The following TNS1 variants were observed in gnomAD, a reference collection of about 807,000 sequenced individuals.
TNS1 encodes tensin 1.
TNS1 carries 62 observed loss-of-function variants against 168.6 expected under a neutral mutation model. That is an observed-to-expected ratio of 0.37 (90% CI 0.30 to 0.45). TNS1 has a LOEUF of 0.45. Among genes scored for constraint, TNS1 ranks in the 20% least tolerant of loss-of-function variants. TNS1 has a pLI of 1.00. For missense variants in TNS1, 2,240 were observed against 2,339.4 expected (o/e 0.96, Z 0.88); for synonymous variants, 934 against 933.2 (o/e 1.00, Z -0.02).
chr2:217,815,145 C>T, intron 24 of TNS1, 147 bp from the exon 25 acceptor site: 1 of 661,934 alleles, frequency 1.5e-6, no homozygotes, highest in East Asian at 2.7e-5. Flanking sequence ...GATGAGGTCA[C>T]ACAGGATTAG....
At chr2:217,897,731 T>C (rs1391579933) in intron 8 of TNS1, 67 bp downstream of exon 8, 10 of 1,474,484 alleles carry the variant, frequency 6.8e-6, no homozygotes, top group Non-Finnish European at 8.2e-6. Context: ...ATACCAGTCA[T>C]GTAGAGGTGG....
chr2:217,996,746 C>T (rs1374495631), intron 1 of TNS1, among the ~76,000 whole-genome samples: 1 of 152,038 alleles, frequency 6.6e-6, no homozygotes, highest in African/African-American at 2.4e-5. Context: ...TCCTGGGCCC[C>T]GACACCAGGC....
At position 217,886,033 on chromosome 2, in the gene TNS1, G is replaced by T; in HGVS notation, c.1040+11C>A. The T allele has an allele frequency of 6.2e-7, 1 of 1,614,056 alleles. No homozygotes were observed. Among genetic ancestry groups the T allele is most frequent in the Non-Finnish European group, 8.5e-7 (1 of 1,179,962 alleles). On this transcript the variant is annotated intron_variant, in intron 14 of 32. Coordinates refer to ENST00000682258, the MANE Select transcript of TNS1 (RefSeq NM_001387777.1). ...GGCTTCTCTGGCCTCTCACGCCCAT[G>T]TAATACTTACTAGATGCCAGATGTG...
intron 1 of TNS1, among the ~76,000 whole-genome samples, chr2:217,994,302 G>C (rs1406306532): frequency 6.6e-6 from 1 of 152,130 alleles, no homozygotes; most frequent in African/African-American, 2.4e-5. Flanking sequence ...AAACATTCCA[G>C]GGTGGGGGCC....
rs139730032 is a variant in TNS1 at position 217,882,036 on chromosome 2, C to T, written c.1312+310G>A. The T allele has an allele frequency of 2.4e-4, 63 of 262,588 alleles. No homozygotes were observed. The East Asian group carries it at 4.9e-3, about 20-fold the overall frequency. The allele number at this position is 262,588 out of a possible 1,614,324, so 16.3% of individuals were successfully genotyped here. On this transcript the variant is annotated intron_variant, in intron 17 of 32. Transcript: ENST00000682258. The stretch of plus-strand genomic sequence containing the variant: ...TCCAGCACCTTTGTGTGCCCCCTGC[C>T]CGCCAGCCACTCCCTCCATCTACCA...
chr2:217,903,503 T>C, intron 6 of TNS1: 4 of 1,439,516 alleles, frequency 2.8e-6, no homozygotes, highest in Non-Finnish European at 3.7e-6. Context: ...CTTACCCAAA[T>C]GGCTTTGAAC....
chr2:217,887,609 A>G (rs1205510742), intron 12 of TNS1, among the ~76,000 whole-genome samples: 1 of 152,188 alleles, frequency 6.6e-6, no homozygotes, highest in Non-Finnish European at 1.5e-5. Context: ...CACCCAGCCA[A>G]CATCCCCTAG....
At chr2:218,027,366 C>A (rs1958859938) in intron 1 of TNS1, among the ~76,000 whole-genome samples, 1 of 152,052 alleles carries the variant, frequency 6.6e-6, no homozygotes, top group South Asian at 2.1e-4. Flanking sequence ...GATCCTGCCT[C>A]TCCCCCGACC....
chr2:217,879,600 C>T (rs1361546523), intron 18 of TNS1: 1 of 292,130 alleles, frequency 3.4e-6, no homozygotes, highest in Non-Finnish European at 6.9e-6. Context: ...AATGTGCTCT[C>T]AGTGAGTCCC....
chr2:217,880,236 C>T lies in TNS1; in HGVS notation c.1429+662G>A, dbSNP rs775250445. On this transcript the variant is annotated intron_variant, in intron 18 of 32. Coordinates refer to ENST00000682258, the MANE Select transcript of TNS1 (RefSeq NM_001387777.1). This position sits in a 1 kb window ranked among gnomAD's most constrained non-coding sequence, Gnocchi z 4.2. ...GAATGCATGTAGAACTCTCAAGAGACGACCTGAGTTGCAGTGGACCATTTG... is the reference window on the plus strand; with the variant it reads ...GAATGCATGTAGAACTCTCAAGAGATGACCTGAGTTGCAGTGGACCATTTG... Among the ~76,000 whole-genome samples, 8 of 152,150 alleles carry T rather than the reference C, an allele frequency of 5.3e-5. No homozygotes were observed. Among genetic ancestry groups the T allele is most frequent in the Non-Finnish European group, 1.0e-4 (7 of 68,040 alleles).
rs78693972 is a variant in TNS1, at chr2:217,906,763, G to A, written c.271-378C>T. On this transcript the variant is annotated intron_variant, in intron 5 of 32. Coordinates refer to ENST00000682258, the MANE Select transcript of TNS1 (RefSeq NM_001387777.1). ...TGGCCATCGCCAGGAGATCTCTCTC[G>A]GTAGCTAACCTCAGTTTCCCCATGG... 2.7e-3 allele frequency among the ~76,000 whole-genome samples: 417 copies of A among 152,172 alleles called. 4 individuals are homozygous for A. Among genetic ancestry groups the A allele is most frequent in the Non-Finnish European group, 4.6e-3 (312 of 68,022 alleles).
intron 2 of TNS1, among the ~76,000 whole-genome samples, chr2:217,989,488 G>A (rs1333751023): frequency 6.6e-6 from 1 of 152,132 alleles, no homozygotes; most frequent in Non-Finnish European, 1.5e-5. Context: ...GGGGGTGAAG[G>A]AGAGGGAAGC....
chr2:217,903,750 CTT>C (rs1462652427), intron 6 of TNS1: 1 of 744,310 alleles, frequency 1.3e-6, no homozygotes, highest in African/African-American at 1.7e-5. Flanking sequence ...TCAGCCAACT[CTT>C]TTTGCCTTGG....
intron 8 of TNS1, among the ~76,000 whole-genome samples, chr2:217,896,468 C>T (rs559478154): frequency 1.2e-4 from 19 of 152,230 alleles, no homozygotes; most frequent in South Asian, 2.1e-4. Flanking sequence ...AAGAAGGCCA[C>T]GTGGAGATGG....
chr2:217,929,663 C>T (rs1175442687), intron 3 of TNS1, among the ~76,000 whole-genome samples: 30 of 150,394 alleles, frequency 2.0e-4, no homozygotes, highest in Non-Finnish European at 3.7e-4. Context: ...GCCACCACCC[C>T]CATCTCCACC....
chr2:217,818,511 C>T lies in TNS1; in HGVS notation c.3821G>A (p.Gly1274Asp). The T allele has an allele frequency of 1.2e-6, 2 of 1,614,224 alleles. No homozygotes were observed. Among genetic ancestry groups the T allele is most frequent in the Non-Finnish European group, 1.7e-6 (2 of 1,180,044 alleles). ...AGGGCTCCCAGGCACCGTGTGGACG[C>T]CAGCCACACTGAACTGAGCTCGAGC... ...SQARAQFSVA[G>D]VHTVPGSPQA... Residue 1274 changes from glycine (G) to aspartate (D), a missense_variant, in exon 24 of 33, where the codon GGC becomes GAC. By Grantham distance (94) the Gly-to-Asp change is moderately conservative (BLOSUM62 -1). Transcript: ENST00000682258.
intron 7 of TNS1, among the ~76,000 whole-genome samples, chr2:217,898,637 C>T (rs1449783121): frequency 6.6e-6 from 1 of 152,214 alleles, no homozygotes; most frequent in African/African-American, 2.4e-5. Flanking sequence ...CACTGCCTGC[C>T]AGAGCTGCTT....
intron 18 of TNS1, among the ~76,000 whole-genome samples, chr2:217,876,140 G>A (rs774825600): frequency 1.3e-4 from 20 of 152,204 alleles, no homozygotes; most frequent in Non-Finnish European, 2.2e-4. Context: ...AAGGTGGGGG[G>A]TGGATGAGAA....
At position 217,897,970 on chromosome 2, in the gene TNS1, CTAGGGAGACA is replaced by C; in HGVS notation, c.372-11_372-2del. On this transcript the variant is annotated splice_acceptor_variant and splice_polypyrimidine_tract_variant and intron_variant, in intron 7 of 32. Transcript: ENST00000682258. LOFTEE classifies it high-confidence loss of function. ...CATGGTCCGGCTCACACTCATGTTT[CTAGGGAGACA>C]GCAGGCAGCGGAGGGTCCATATCAG... 6.2e-7 allele frequency: 1 copy of C among 1,600,926 alleles called. No homozygotes were observed. The highest frequency in any genetic ancestry group is 8.5e-7 in the Non-Finnish European group (1 of 1,173,760).
Sources: allele counts gnomAD v4.1 joint callset (sites outside exome capture counted in the v4.1 genomes callset), GRCh38; gene constraint gnomAD v4.1.1; non-coding constraint Gnocchi (gnomAD v3.1); transcripts MANE v1.5; gene names NCBI Gene and HGNC (gene_info 2026-07-23, HGNC 2026-07-21).